EGF: variants seen among roughly 807,000 people sequenced by gnomAD.
EGF encodes epidermal growth factor, also known as pro-epidermal growth factor.
A neutral mutation model predicts 143.8 loss-of-function variants in EGF; 95 were observed. The observed-to-expected ratio is 0.66, with a 90% CI of 0.56 to 0.78. The LOEUF is 0.78. Among genes scored for constraint, EGF ranks in the 30% least tolerant of loss-of-function variants. The probability of loss-of-function intolerance (pLI) is 0.00; values close to 1 mark genes in which losing one functional copy is unlikely to be tolerated. For synonymous variants in EGF, 510 were observed against 510.5 expected, an observed-to-expected ratio of 1.00 and a Z score of 0.01; for missense variants, 1,320 against 1,470.9, an observed-to-expected ratio of 0.90 and a Z score of 1.68.
intron 12 of EGF, 49 bp downstream of exon 12, chr4:109,974,856 G>A (rs376758276): frequency 4.2e-5 from 61 of 1,451,896 alleles, no homozygotes; most frequent in Non-Finnish European, 5.8e-5. Context: ...TCATGTGACA[G>A]TTCATGGTTG....
chr4:109,933,415 CTTTTTTTTCTTT>C (rs1170802521), intron 1 of EGF, among the ~76,000 whole-genome samples: 1 of 134,992 alleles, frequency 7.4e-6, no homozygotes, highest in Non-Finnish European at 1.7e-5. Context: ...TGTAGCATTT[CTTTTTTTTCTTT>C]TTTTTTTTTT....
chr4:110,004,220 A>ACC (rs1212051200), intron 21 of EGF: 1 of 383,066 alleles, frequency 2.6e-6, no homozygotes, highest in Non-Finnish European at 4.6e-6. Flanking sequence ...ATACATACAC[A>ACC]CACACACACA....
intron 5 of EGF, among the ~76,000 whole-genome samples, chr4:109,951,044 C>T (rs1743806755): frequency 6.6e-6 from 1 of 151,980 alleles, no homozygotes; most frequent in Admixed American, 6.6e-5. Flanking sequence ...CGGTGGCTCA[C>T]ACCTGTAATC....
At chr4:109,998,359 T>C (rs1159164263) in intron 20 of EGF, among the ~76,000 whole-genome samples, 2 of 152,222 alleles carry the variant, frequency 1.3e-5, no homozygotes, top group African/African-American at 4.8e-5. Context: ...GAAGATAGCT[T>C]TTCAGAGGTG....
At position 109,959,538 on chromosome 4, in the gene EGF, A is replaced by G. The variant is rs545321777; in HGVS notation, c.1066+101A>G. On this transcript the variant is annotated intron_variant, in intron 6 of 23. Transcript: ENST00000265171. ...CTTGTCTTCAGTGGGCCAGCCAGAG[A>G]CTCAGTGGAAAACCAACTTCAAGTC... 7 of 1,596,496 alleles carry G rather than the reference A, an allele frequency of 4.4e-6. No individual in the cohort carries two copies. The South Asian group carries it at 6.7e-5, about 15-fold the overall frequency.
At position 109,959,247 on chromosome 4, in the gene EGF, A is replaced by G. The variant is rs949716157; in HGVS notation, c.941-65A>G. 3.7e-6 allele frequency: 6 copies of G among 1,609,292 alleles called. No individual in the cohort carries two copies. The African/African-American group carries it at 6.7e-5, about 18-fold the overall frequency. On this transcript the variant is annotated intron_variant, in intron 5 of 23. Coordinates refer to ENST00000265171, the MANE Select transcript of EGF (RefSeq NM_001963.6). ...AGGTAAGACCTCTTAAGAATCAGGA[A>G]AAGATTTAGCAGTGTCCTCTGTCAA...
chr4:109,963,719 A>T (rs2126065440), intron 9 of EGF, among the ~76,000 whole-genome samples: 1 of 151,840 alleles, frequency 6.6e-6, no homozygotes, highest in African/African-American at 2.4e-5. Flanking sequence ...CGCTTCAGCT[A>T]TTTTTTTTGT....
intron 20 of EGF, among the ~76,000 whole-genome samples, chr4:109,997,840 G>A (rs1752034498): frequency 6.6e-6 from 1 of 152,088 alleles, no homozygotes; most frequent in Non-Finnish European, 1.5e-5. Context: ...TCCAGCCTGG[G>A]AGACAGAGTG....
At chr4:109,917,267 G>T (rs1736827820) in intron 1 of EGF, among the ~76,000 whole-genome samples, 1 of 152,168 alleles carries the variant, frequency 6.6e-6, no homozygotes, top group Non-Finnish European at 1.5e-5. Flanking sequence ...ACATTTTGGG[G>T]CTAATTTGAG....
intron 1 of EGF, among the ~76,000 whole-genome samples, chr4:109,917,562 A>T (rs1274208365): frequency 6.6e-6 from 1 of 151,290 alleles, no homozygotes; most frequent in African/African-American, 2.4e-5. Flanking sequence ...TTACAAGGGG[A>T]TATTGTGTGA....
intron 11 of EGF, among the ~76,000 whole-genome samples, chr4:109,970,824 C>CAAAAAA (rs371512157): frequency 1.1e-4 from 8 of 72,960 alleles, no homozygotes; most frequent in South Asian, 6.0e-4. Flanking sequence ...GACTCCGTCT[C>CAAAAAA]AAAAAAAAAA....
intron 10 of EGF, among the ~76,000 whole-genome samples, chr4:109,966,965 G>A (rs1368141126): frequency 6.6e-6 from 1 of 152,088 alleles, no homozygotes; most frequent in Non-Finnish European, 1.5e-5. Context: ...TGCATTGTTT[G>A]CAAGTATTTT....
chr4:109,925,611 C>G (rs1465066757), intron 1 of EGF, among the ~76,000 whole-genome samples: 1 of 152,218 alleles, frequency 6.6e-6, no homozygotes, highest in East Asian at 1.9e-4. Flanking sequence ...AGTACTCCGT[C>G]TCCAATGCCA....
At chr4:109,925,354 T>G (rs1001211897) in intron 1 of EGF, among the ~76,000 whole-genome samples, 1 of 152,246 alleles carries the variant, frequency 6.6e-6, no homozygotes, top group Non-Finnish European at 1.5e-5. Context: ...TTCTAATATA[T>G]CACAGCGTAT....
chr4:109,950,324 C>G (rs1268685439), intron 5 of EGF, among the ~76,000 whole-genome samples: 4 of 152,142 alleles, frequency 2.6e-5, no homozygotes, highest in Non-Finnish European at 5.9e-5. Context: ...GAGGAGTTGC[C>G]TGTTCCTTCA....
At chr4:109,913,511 C>A (rs1736066229) in intron 1 of EGF, 49 bp downstream of exon 1, 2 of 1,603,002 alleles carry the variant, frequency 1.2e-6, no homozygotes, top group South Asian at 1.1e-5. Flanking sequence ...AAACTGCCCC[C>A]ACATCCCTGT....
At chr4:109,959,163 G>A in intron 5 of EGF, 149 bp from the exon 6 acceptor site, 1 of 1,253,536 alleles carries the variant, frequency 8.0e-7, no homozygotes, top group South Asian at 1.4e-5. Flanking sequence ...GGATGCTGGG[G>A]AATCTGGGCT....
intron 1 of EGF, among the ~76,000 whole-genome samples, chr4:109,919,160 A>C (rs1737232360): frequency 6.6e-6 from 1 of 152,210 alleles, no homozygotes; most frequent in Admixed American, 6.5e-5. Flanking sequence ...TACTCCTTTG[A>C]GAATTTCTGG....
In EGF at chr4:109,959,319, A is replaced by C; in HGVS notation, c.948A>C (p.Lys316Asn). The C allele has an allele frequency of 6.2e-7, 1 of 1,613,994 alleles. No homozygotes were observed. The highest frequency in any genetic ancestry group is 1.1e-5 in the South Asian group (1 of 91,086). The change falls in exon 6 of 24, where the codon AAA (lysine) becomes AAC (asparagine). Residue 316 changes from lysine (K) to asparagine (N), a missense_variant. By Grantham distance (94) the Lys-to-Asn change is moderately conservative. Coordinates refer to ENST00000265171, the MANE Select transcript of EGF (RefSeq NM_001963.6). ...AAGCATCTTCTCTTTTAGAGCAGAA[A>C]CTTTGCAAATTGAGGAAAGGAAACT... ...AEDDTWEPEQKLCKLRKGNCS... is the reference protein window; with the variant it reads ...AEDDTWEPEQNLCKLRKGNCS...
Sources: gnomAD v4.1 joint callset for allele counts (sites outside exome capture counted in the v4.1 genomes callset) on GRCh38, gnomAD v4.1.1 for gene constraint, MANE v1.5 for transcripts, NCBI Gene and HGNC (gene_info 2026-07-23, HGNC 2026-07-21) for gene names.